Variants in EPSTI1 observed in about 807,000 individuals in gnomAD.
EPSTI1 encodes the protein epithelial stromal interaction 1.
In EPSTI1, 66 loss-of-function variants were observed where a neutral mutation model predicts 49.9. The observed-to-expected ratio is 1.32, with a 90% CI of 1.08 to 1.62. The LOEUF is 1.62. EPSTI1 is among the 40% of genes most tolerant of loss of function. EPSTI1 has a pLI of 0.00. For synonymous variants in EPSTI1, 137 were observed against 130.7 expected, an observed-to-expected ratio of 1.05 and a Z score of -0.33; for missense variants, 394 against 365.5, an observed-to-expected ratio of 1.08 and a Z score of -0.64.
chr13:42,888,653 A>C (rs2036936325), intron 10 of EPSTI1, 151 bp from the exon 11 acceptor site: 1 of 787,120 alleles, frequency 1.3e-6, no homozygotes, highest in Non-Finnish European at 2.0e-6. Flanking sequence ...GACCATTGAA[A>C]CGATTTGATT....
At chr13:42,919,474 C>A in intron 7 of EPSTI1, 1 of 752,932 alleles carries the variant, frequency 1.3e-6, no homozygotes, top group Admixed American at 2.4e-5. Context: ...TATATTTTAT[C>A]ATTCAACCAA....
intron 1 of EPSTI1, among the ~76,000 whole-genome samples, chr13:42,972,065 C>T (rs1011203398): frequency 1.3e-5 from 2 of 152,172 alleles, no homozygotes; most frequent in African/African-American, 4.8e-5. Flanking sequence ...CGTGGGTAGT[C>T]CCTGGAAACT....
intron 7 of EPSTI1, among the ~76,000 whole-genome samples, chr13:42,921,897 G>T (rs757809982): frequency 1.2e-4 from 19 of 152,110 alleles, no homozygotes; most frequent in Admixed American, 2.0e-4. Flanking sequence ...TATCTGACAG[G>T]CATAAGTTGG....
In EPSTI1 at chr13:42,968,921, T is replaced by TACACACAC. The variant is rs71970864; in HGVS notation, c.331+165_331+172dup. Among the ~76,000 whole-genome samples the TACACACAC allele has an allele frequency of 5.6e-3, 659 of 117,622 alleles. 13 individuals carry two copies. Among genetic ancestry groups the TACACACAC allele is most frequent in the African/African-American group, 0.021 (600 of 28,592 alleles). The allele number at this position is 117,622 out of a possible 152,430, so 77.2% of individuals were successfully genotyped here. A position where few individuals can be genotyped will look rare whatever the true frequency, so the allele number is the denominator to read the frequency against. ...GCAGAAAATCAGAAAAAAAAAAAAA[T>TACACACAC]ACACACACACACACACACACACACA... On this transcript the variant is annotated intron_variant, in intron 3 of 10. Coordinates refer to ENST00000313624, the MANE Select transcript of EPSTI1 (RefSeq NM_033255.5).
chr13:42,970,660 A>T lies in EPSTI1; in HGVS notation c.199T>A (p.Tyr67Asn), dbSNP rs757253271. ...VHAGQRRTSA[Y>N]TLIAPNINRR... The stretch of plus-strand genomic sequence containing the variant: ...TTTATATTTGGTGCTATCAAGGTGT[A>T]TGCACTTGTGCTAAAAGGAAGAGAA... Residue 67 changes from tyrosine (Y) to asparagine (N), a missense_variant, in exon 2 of 11, where the codon TAC becomes AAC. Coordinates refer to ENST00000313624, the MANE Select transcript of EPSTI1 (RefSeq NM_033255.5). 1 of 1,607,278 alleles carries T rather than the reference A, an allele frequency of 6.2e-7. No individual in the cohort carries two copies. The highest frequency in any genetic ancestry group is 8.5e-7 in the Non-Finnish European group (1 of 1,178,222).
At chr13:42,937,631 T>C (rs941351903) in intron 6 of EPSTI1, among the ~76,000 whole-genome samples, 5 of 152,226 alleles carry the variant, frequency 3.3e-5, no homozygotes, top group African/African-American at 1.2e-4. Context: ...TCCTCATCCG[T>C]TGAAGTTTGA....
At chr13:42,924,007 A>G (rs1299712379) in intron 7 of EPSTI1, among the ~76,000 whole-genome samples, 1 of 152,248 alleles carries the variant, frequency 6.6e-6, no homozygotes, top group Admixed American at 6.5e-5. Flanking sequence ...TAGTGTTCAC[A>G]TTCTATAAGT....
At chr13:42,892,248 G>A (rs1032907295) in intron 10 of EPSTI1, among the ~76,000 whole-genome samples, 1 of 152,196 alleles carries the variant, frequency 6.6e-6, no homozygotes, top group African/African-American at 2.4e-5. Context: ...TGGGGGTGGC[G>A]AAAGCCATTG....
intron 8 of EPSTI1, among the ~76,000 whole-genome samples, chr13:42,907,975 G>A (rs1470857292): frequency 6.6e-6 from 1 of 152,036 alleles, no homozygotes; most frequent in African/African-American, 2.4e-5. Context: ...TTGGCAAAAG[G>A]GCCAAGAACA....
intron 8 of EPSTI1, among the ~76,000 whole-genome samples, chr13:42,917,179 T>C (rs895758741): frequency 6.6e-6 from 1 of 152,196 alleles, no homozygotes; most frequent in African/African-American, 2.4e-5. Context: ...CATTATCACA[T>C]TCTCTGGATA....
intron 9 of EPSTI1, among the ~76,000 whole-genome samples, chr13:42,897,621 C>A (rs776628370): frequency 2.0e-5 from 3 of 152,162 alleles, no homozygotes; most frequent in Non-Finnish European, 4.4e-5. Flanking sequence ...TCAAACCCTG[C>A]GAAGACTGAT....
intron 1 of EPSTI1, among the ~76,000 whole-genome samples, chr13:42,989,305 T>C (rs2040144211): frequency 6.6e-6 from 1 of 152,108 alleles, no homozygotes; most frequent in Non-Finnish European, 1.5e-5. Context: ...AAGTTGGTAT[T>C]GTCTTATATT....
intron 7 of EPSTI1, chr13:42,919,307 T>C (rs772135019): frequency 6.2e-7 from 1 of 1,613,756 alleles, no homozygotes; most frequent in Middle Eastern, 1.7e-4. Context: ...TACCCAGCTG[T>C]GATCCCTAGG....
At chr13:42,944,024 T>A (rs2038844776) in intron 6 of EPSTI1, among the ~76,000 whole-genome samples, 1 of 152,210 alleles carries the variant, frequency 6.6e-6, no homozygotes, top group East Asian at 1.9e-4. Context: ...AAAAAACAGT[T>A]GCTGGAGAGG....
intron 8 of EPSTI1, among the ~76,000 whole-genome samples, chr13:42,908,944 A>G (rs895234647): frequency 2.2e-5 from 3 of 139,486 alleles, no homozygotes; most frequent in African/African-American, 7.7e-5. Flanking sequence ...AAAAAAAAAA[A>G]TAGCTGGGTG....
intron 10 of EPSTI1, among the ~76,000 whole-genome samples, chr13:42,894,686 A>C (rs1206558356): frequency 1.4e-4 from 22 of 151,804 alleles, no homozygotes; most frequent in African/African-American, 5.3e-4. Flanking sequence ...AAAAAAAAAA[A>C]AAAAAAACGT....
chr13:42,892,744 GTATC>G (rs1228425766), intron 10 of EPSTI1, among the ~76,000 whole-genome samples: 1 of 152,162 alleles, frequency 6.6e-6, no homozygotes, highest in Non-Finnish European at 1.5e-5. Flanking sequence ...GAATGAATGA[GTATC>G]TAATTTCATA....
chr13:42,888,771 G>A (rs113006111), intron 10 of EPSTI1, among the ~76,000 whole-genome samples: 116 of 152,276 alleles, frequency 7.6e-4, no homozygotes, highest in African/African-American at 2.7e-3. Flanking sequence ...TAACAGAGGT[G>A]ACAAATATAC....
chr13:42,949,157 CTTTGGCATA>C (rs2039016225), intron 6 of EPSTI1, among the ~76,000 whole-genome samples: 1 of 152,168 alleles, frequency 6.6e-6, no homozygotes, highest in African/African-American at 2.4e-5. Context: ...AAATATATTT[CTTTGGCATA>C]TTTTGAAATG....
Sources: gnomAD v4.1 joint callset for allele counts (sites outside exome capture counted in the v4.1 genomes callset) on GRCh38, gnomAD v4.1.1 for gene constraint, MANE v1.5 for transcripts, NCBI Gene and HGNC (gene_info 2026-07-23, HGNC 2026-07-21) for gene names.